TYW1B: variants seen among roughly 807,000 people sequenced by gnomAD.
TYW1B encodes S-adenosyl-L-methionine-dependent tRNA 4-demethylwyosine synthase TYW1B.
TYW1B carries 73 observed loss-of-function variants against 86.9 expected under a neutral mutation model. The ratio of observed to expected loss-of-function variants is 0.84; its 90% CI spans 0.70 to 1.02. TYW1B has a LOEUF of 1.02. Among genes scored for constraint, TYW1B ranks in the 50% least tolerant of loss-of-function variants. The probability of loss-of-function intolerance (pLI) is 0.00; values close to 1 mark genes in which losing one functional copy is unlikely to be tolerated. For synonymous variants in TYW1B, 248 were observed against 292.8 expected (o/e 0.85, Z 1.56); for missense variants, 637 against 827.4 (o/e 0.77, Z 2.82).
chr7:72,765,988 C>T (rs1554468257), intron 7 of TYW1B, among the ~76,000 whole-genome samples: 1 of 152,214 alleles, frequency 6.6e-6, no homozygotes, highest in Admixed American at 6.6e-5. Context: ...TCTCACTTGG[C>T]AGACTTGTAA....
intron 12 of TYW1B, among the ~76,000 whole-genome samples, chr7:72,620,113 G>A (rs1812177797): frequency 1.3e-5 from 2 of 152,082 alleles, no homozygotes; most frequent in African/African-American, 4.8e-5. Context: ...ACCCTTTGAG[G>A]AGGCTAGGCA....
intron 9 of TYW1B, among the ~76,000 whole-genome samples, chr7:72,726,466 G>T (rs1437785150): frequency 6.6e-6 from 1 of 151,410 alleles, no homozygotes. Context: ...GGGTTCAAGC[G>T]ATTCTCCTGC....
intron 6 of TYW1B, among the ~76,000 whole-genome samples, chr7:72,789,356 G>T (rs1416831195): frequency 6.7e-6 from 1 of 149,812 alleles, no homozygotes; most frequent in Admixed American, 6.6e-5. Context: ...GGCTGGTCTC[G>T]AACTCCTGAC....
chr7:72,745,848 AGG>A (rs781892369), intron 7 of TYW1B, among the ~76,000 whole-genome samples: 4,683 of 59,576 alleles, frequency 0.079, 121 homozygotes, highest in East Asian at 0.13. Context: ...ACACGTGTAT[AGG>A]GGTGTGTGTG....
intron 11 of TYW1B, among the ~76,000 whole-genome samples, chr7:72,662,358 T>C (rs533785322): frequency 1.6e-4 from 24 of 152,200 alleles, no homozygotes; most frequent in African/African-American, 5.5e-4. Flanking sequence ...CCACATCTCG[T>C]GATGTGGTTC....
At chr7:72,755,213 T>C (rs1787565592) in intron 7 of TYW1B, among the ~76,000 whole-genome samples, 2 of 151,108 alleles carry the variant, frequency 1.3e-5, no homozygotes, top group Non-Finnish European at 2.9e-5. Flanking sequence ...AGTGCAGGAG[T>C]TCAAGACCAG....
intron 13 of TYW1B, among the ~76,000 whole-genome samples, chr7:72,595,508 A>G (rs2129567922): frequency 6.6e-6 from 1 of 152,018 alleles, no homozygotes; most frequent in Middle Eastern, 3.4e-3. Flanking sequence ...ACATGGTAAA[A>G]CCCTGTCTCT....
intron 9 of TYW1B, among the ~76,000 whole-genome samples, chr7:72,721,623 T>TGCACACACACACACGCACACACACAC (rs1786903937): frequency 6.6e-6 from 1 of 150,808 alleles, no homozygotes; most frequent in African/African-American, 2.5e-5. Flanking sequence ...CACACACACA[T>TGCACACACACACACGCACACACACAC]GCACACACAC....
In TYW1B at chr7:72,745,850, G is replaced by GT. The variant is rs1585950044; in HGVS notation, c.965-1250_965-1249insA. Reference sequence around the variant, plus strand: ...ATGAGTAGCCTTTACACGTGTATAGGGGTGTGTGTGTGTGTGTGTGTGTGT... The same window carrying GT: ...ATGAGTAGCCTTTACACGTGTATAGGTGGTGTGTGTGTGTGTGTGTGTGTGT... On this transcript the variant is annotated intron_variant, in intron 7 of 13. Coordinates refer to ENST00000620995, the MANE Select transcript of TYW1B (RefSeq NM_001145440.3). Among the ~76,000 whole-genome samples the GT allele has an allele frequency of 9.5e-3, 213 of 22,440 alleles. 1 individual carries two copies. In the South Asian group the frequency reaches 0.19, roughly 21 times the overall value. The allele number at this position is 22,440 out of a possible 152,430, so 14.7% of individuals were successfully genotyped here. A position where few individuals can be genotyped will look rare whatever the true frequency, so the allele number is the denominator to read the frequency against.
At chr7:72,624,516 G>A (rs566950018) in intron 12 of TYW1B, among the ~76,000 whole-genome samples, 3 of 152,280 alleles carry the variant, frequency 2.0e-5, no homozygotes, top group South Asian at 2.1e-4. Context: ...CTTCTTAGTA[G>A]CAGTATGCTC....
chr7:72,690,245 TAAAAGTTTAC>T (rs1814113232), intron 11 of TYW1B, among the ~76,000 whole-genome samples: 1 of 152,246 alleles, frequency 6.6e-6, no homozygotes, highest in Non-Finnish European at 1.5e-5. Flanking sequence ...ACATTGCTGA[TAAAAGTTTAC>T]TGCTAAAAGC....
chr7:72,806,408 G>T (rs1165220133), intron 5 of TYW1B, among the ~76,000 whole-genome samples: 1 of 151,916 alleles, frequency 6.6e-6, no homozygotes, highest in Non-Finnish European at 1.5e-5. Flanking sequence ...GCTAATCTTT[G>T]TATTTTTAGT....
In TYW1B at chr7:72,671,056, T is replaced by C. The variant is rs1813589335; in HGVS notation, c.1506+23631A>G. Among the ~76,000 whole-genome samples the C allele has an allele frequency of 2.6e-5, 4 of 152,184 alleles. No homozygotes were observed. The South Asian group carries it at 8.3e-4, about 31-fold the overall frequency. On this transcript the variant is annotated intron_variant, in intron 11 of 13. Transcript: ENST00000620995. ...GTTTAATATCTGGTAAAAGTTCTTCTAGTTTCTGGGGACCAGTGACTAAGG... is the reference window on the plus strand; with the variant it reads ...GTTTAATATCTGGTAAAAGTTCTTCCAGTTTCTGGGGACCAGTGACTAAGG...
In TYW1B at chr7:72,780,252, T is replaced by G. The variant is rs535951570; in HGVS notation, c.847-2719A>C. 1.1e-4 allele frequency among the ~76,000 whole-genome samples: 16 copies of G among 152,264 alleles called. 1 individual carries two copies. Among genetic ancestry groups the G allele is most frequent in the African/African-American group, 3.4e-4 (14 of 41,560 alleles). On this transcript the variant is annotated intron_variant, in intron 6 of 13. Coordinates refer to ENST00000620995, the MANE Select transcript of TYW1B (RefSeq NM_001145440.3). ...CCCAAGTAGTTTGCTTTGTTTTTTT[T>G]AATCTAAAAGCAAAGGTGTGAGCTT... is the stretch of plus-strand genomic sequence containing the variant.
At chr7:72,739,865 C>T (rs1787270830) in intron 8 of TYW1B, among the ~76,000 whole-genome samples, 2 of 136,764 alleles carry the variant, frequency 1.5e-5, no homozygotes, top group Non-Finnish European at 3.1e-5. Flanking sequence ...TCACCTCTGC[C>T]CGATCTTTAG....
chr7:72,756,116 A>T (rs1787582931), intron 7 of TYW1B, among the ~76,000 whole-genome samples: 1 of 152,240 alleles, frequency 6.6e-6, no homozygotes. Flanking sequence ...CCCAGGATAG[A>T]AATGTTTAAG....
chr7:72,804,284 C>CA (rs797037230), intron 5 of TYW1B, among the ~76,000 whole-genome samples: 2,875 of 70,496 alleles, frequency 0.041, 102 homozygotes, highest in East Asian at 0.17. Flanking sequence ...GACTCCATCT[C>CA]AAAAAAAAAA....
At chr7:72,711,548 C>T (rs1202057139) in intron 10 of TYW1B, among the ~76,000 whole-genome samples, 2 of 133,624 alleles carry the variant, frequency 1.5e-5, no homozygotes, top group Non-Finnish European at 3.1e-5. Flanking sequence ...TGGCTCACTC[C>T]AAGCTCCGCC....
At chr7:72,665,246 A>G (rs1813433935) in intron 11 of TYW1B, among the ~76,000 whole-genome samples, 1 of 152,256 alleles carries the variant, frequency 6.6e-6, no homozygotes, top group African/African-American at 2.4e-5. Context: ...TGTCTACTCA[A>G]AATGAAGGCT....
Sources: allele counts gnomAD v4.1 joint callset (sites outside exome capture counted in the v4.1 genomes callset), GRCh38; gene constraint gnomAD v4.1.1; transcripts MANE v1.5; gene names NCBI Gene and HGNC (gene_info 2026-07-23, HGNC 2026-07-21).